The following NRIP3 variants were observed in gnomAD, a reference collection of about 807,000 sequenced individuals.
NRIP3 encodes the protein nuclear receptor-interacting protein 3.
Under a neutral mutation model 29.0 loss-of-function variants are expected in NRIP3, and 31 were observed. The observed-to-expected ratio is 1.07, with a 90% confidence interval of 0.80 to 1.44. NRIP3 has a LOEUF of 1.44. NRIP3 is among the 40% of genes most tolerant of loss of function. NRIP3 has a pLI of 0.00. For synonymous variants in NRIP3, 131 were observed against 118.3 expected (o/e 1.11, Z -0.70); for missense variants, 314 against 297.9 (o/e 1.05, Z -0.40).
chr11:8,989,644 G>A (rs1410403700), intron 1 of NRIP3, among the ~76,000 whole-genome samples: 1 of 152,192 alleles, frequency 6.6e-6, no homozygotes, highest in Non-Finnish European at 1.5e-5. Context: ...GGAGGGAGAG[G>A]CACTTGTAAA....
At chr11:8,999,981 C>A (rs1456815939) in intron 1 of NRIP3, among the ~76,000 whole-genome samples, 1 of 152,154 alleles carries the variant, frequency 6.6e-6, no homozygotes, top group Non-Finnish European at 1.5e-5. Context: ...CTTTCTGCCT[C>A]CTTCCTCCCA....
intron 1 of NRIP3, among the ~76,000 whole-genome samples, chr11:9,002,553 G>A (rs1259782068): frequency 2.1e-5 from 1 of 46,786 alleles, no homozygotes; most frequent in African/African-American, 6.4e-5. Flanking sequence ...ATATTATACT[G>A]TGTATAATAT....
intron 4 of NRIP3, among the ~76,000 whole-genome samples, chr11:8,985,093 T>C (rs891073442): frequency 4.0e-5 from 6 of 151,760 alleles, no homozygotes; most frequent in Admixed American, 6.6e-5. Context: ...TCAGGTGATC[T>C]GCCCGCCTTG....
intron 1 of NRIP3, among the ~76,000 whole-genome samples, chr11:8,997,826 A>T (rs1854735056): frequency 6.6e-6 from 1 of 152,166 alleles, no homozygotes; most frequent in African/African-American, 2.4e-5. Flanking sequence ...CACTCTCTCA[A>T]TCCCTTTACC....
chr11:8,987,850 G>A (rs1035418512), intron 2 of NRIP3, among the ~76,000 whole-genome samples: 2 of 152,070 alleles, frequency 1.3e-5, no homozygotes, highest in African/African-American at 4.8e-5. Context: ...AAAAACTCTA[G>A]GTGTTTCATG....
rs1854416177 is a variant in NRIP3 at position 8,981,470 on chromosome 11, A to AT, written c.*2074_*2075insA. On this transcript the variant is annotated 3_prime_UTR_variant, in exon 7 of 7. Transcript: ENST00000309166. Reference sequence around the variant, plus strand: ...GCAACAGAGTGAGACTCTGTCTAAAAAAAAAAAAAAAAAAAGAATAAACCA... The same window carrying AT: ...GCAACAGAGTGAGACTCTGTCTAAAATAAAAAAAAAAAAAAAGAATAAACCA... The AT allele has an allele frequency of 6.6e-6, 1 of 152,280 alleles. No homozygotes were observed. Among genetic ancestry groups the AT allele is most frequent in the African/African-American group, 2.4e-5 (1 of 41,284 alleles). 9.4% of individuals were successfully genotyped at this position (152,280 alleles called of 1,614,324 possible).
intron 1 of NRIP3, among the ~76,000 whole-genome samples, chr11:9,001,780 G>A (rs1361870456): frequency 2.1e-5 from 3 of 144,468 alleles, no homozygotes; most frequent in South Asian, 2.1e-4. Flanking sequence ...GCCCTACCTC[G>A]GTCTGCCTTG....
Position 8,985,698 on chromosome 11 carries a change from C to T in NRIP3, c.562+13G>A, listed in dbSNP as rs1246105257. Reference sequence around the variant, plus strand: ...CGTTAGGGTCCATAGGTCCAGCCCTCAATTCTGCTTACCAACCACAGCTGC... The same window carrying T: ...CGTTAGGGTCCATAGGTCCAGCCCTTAATTCTGCTTACCAACCACAGCTGC... On this transcript the variant is annotated intron_variant, in intron 4 of 6. Coordinates refer to ENST00000309166, the MANE Select transcript of NRIP3 (RefSeq NM_020645.3). 2.5e-6 allele frequency: 4 copies of T among 1,612,904 alleles called. No homozygotes were observed. The highest frequency in any genetic ancestry group is 1.7e-5 in the Admixed American group (1 of 59,954).
In NRIP3 at chr11:8,996,625, A is replaced by G. The variant is rs111553686; in HGVS notation, c.174+7137T>C. ...ATATCATTGAATTCTTTCTTTCAGAATCCCTTCAATACTTGTATATTAAAG... is the reference window on the plus strand; with the variant it reads ...ATATCATTGAATTCTTTCTTTCAGAGTCCCTTCAATACTTGTATATTAAAG... On this transcript the variant is annotated intron_variant, in intron 1 of 6. Transcript: ENST00000309166. Among the ~76,000 whole-genome samples, 520 of 152,318 alleles carry G rather than the reference A, an allele frequency of 3.4e-3. 4 individuals carry two copies. Among genetic ancestry groups the G allele is most frequent in the Non-Finnish European group, 6.1e-3 (416 of 68,034 alleles).
intron 1 of NRIP3, among the ~76,000 whole-genome samples, chr11:9,001,301 C>T (rs553508635): frequency 6.6e-6 from 1 of 152,270 alleles, no homozygotes; most frequent in Admixed American, 6.5e-5. Context: ...TGCCTTCTGC[C>T]AGTCCTAAAA....
At chr11:8,998,533 A>G (rs1394154097) in intron 1 of NRIP3, among the ~76,000 whole-genome samples, 1 of 152,124 alleles carries the variant, frequency 6.6e-6, no homozygotes, top group African/African-American at 2.4e-5. Flanking sequence ...TCTCCATACC[A>G]TCTCACAGTC....
chr11:8,986,844 C>T (rs763642758), intron 3 of NRIP3, among the ~76,000 whole-genome samples: 3 of 152,148 alleles, frequency 2.0e-5, no homozygotes, highest in African/African-American at 7.2e-5. Flanking sequence ...CATGGCAAAA[C>T]CCCCTCTCTA....
At chr11:8,988,398 C>A (rs35578021) in intron 1 of NRIP3, 116 bp from the exon 2 acceptor site, 79,618 of 817,698 alleles carry the variant, frequency 0.097, 4,720 homozygotes, top group Non-Finnish European at 0.12. Flanking sequence ...TCTATCTTTG[C>A]TTCTTATTTA....
chr11:8,998,358 T>C (rs1854743134), intron 1 of NRIP3, among the ~76,000 whole-genome samples: 1 of 152,204 alleles, frequency 6.6e-6, no homozygotes, highest in Non-Finnish European at 1.5e-5. Context: ...TATTCCTCAT[T>C]ATTATCTGTT....
Position 8,984,135 on chromosome 11 carries a change from C to CA in NRIP3, c.563-12dup, listed in dbSNP as rs754232327. On this transcript the variant is annotated splice_polypyrimidine_tract_variant and intron_variant, in intron 4 of 6. Transcript: ENST00000309166. ...TTTTCTCATTGTCATCTAATAAAAA[C>CA]AAAAAAATGATTAAGATTTAGCCAT... 1.1e-5 allele frequency: 18 copies of CA among 1,594,046 alleles called. No individual in the cohort carries two copies. Among genetic ancestry groups the CA allele is most frequent in the East Asian group, 2.2e-5 (1 of 44,786 alleles).
chr11:8,998,928 G>C (rs1046027278), intron 1 of NRIP3, among the ~76,000 whole-genome samples: 1 of 150,466 alleles, frequency 6.6e-6, no homozygotes, highest in African/African-American at 2.4e-5. Context: ...CGAGTTTCCC[G>C]AGTAGCTGGG....
chr11:8,984,839 T>C (rs1222247603), intron 4 of NRIP3, among the ~76,000 whole-genome samples: 1 of 152,068 alleles, frequency 6.6e-6, no homozygotes, highest in Non-Finnish European at 1.5e-5. Context: ...AAAAATGTGT[T>C]TTCTTGCTCC....
chr11:8,998,558 G>C (rs1429849090), intron 1 of NRIP3, among the ~76,000 whole-genome samples: 1 of 152,132 alleles, frequency 6.6e-6, no homozygotes, highest in Admixed American at 6.5e-5. Flanking sequence ...GGCTCAAAGG[G>C]AATGGTAAAG....
At chr11:9,003,740 G>A (rs914112705) in intron 1 of NRIP3, 22 bp downstream of exon 1, 1 of 1,393,668 alleles carries the variant, frequency 7.2e-7, no homozygotes, top group Non-Finnish European at 9.4e-7. Context: ...GGGCCGGGGC[G>A]AGAACGGCGG....
Sources: gnomAD v4.1 joint callset for allele counts (sites outside exome capture counted in the v4.1 genomes callset) on GRCh38, gnomAD v4.1.1 for gene constraint, MANE v1.5 for transcripts, NCBI Gene and HGNC (gene_info 2026-07-23, HGNC 2026-07-21) for gene names.